Variants in ABCA1 observed in about 807,000 individuals in gnomAD.
ABCA1 encodes the protein ATP binding cassette subfamily A member 1.
ABCA1 carries 133 observed loss-of-function variants against 262.5 expected under a neutral mutation model. The ratio of observed to expected loss-of-function variants is 0.51; its 90% CI spans 0.44 to 0.59. ABCA1 has a LOEUF of 0.59. ABCA1 is among the 20% of genes least tolerant of loss of function. The pLI is 0.00. For missense variants in ABCA1, 2,452 were observed against 2,777.5 expected, an observed-to-expected ratio of 0.88 and a Z score of 2.63; for synonymous variants, 1,022 against 1,043.5, an observed-to-expected ratio of 0.98 and a Z score of 0.40.
rs372949839 is a variant in ABCA1 at position 104,785,507 on chromosome 9, G to A, written c.6534C>T (p.Tyr2178=). 6 of 1,614,026 alleles carry A rather than the reference G, an allele frequency of 3.7e-6. No individual in the cohort carries two copies. The highest frequency in any genetic ancestry group is 5.1e-6 in the Non-Finnish European group (6 of 1,180,008). The change falls in exon 49 of 50, where the codon TAC becomes TAT. Residue 2178 remains tyrosine (Y), a synonymous_variant. Coordinates refer to ENST00000374736, the MANE Select transcript of ABCA1 (RefSeq NM_005502.4). ...GAGAAGATAATGAAGATGGAAGCTGGTATTGTAGCATGTTCCGGTGTTTCT... is the reference window on the plus strand; with the variant it reads ...GAGAAGATAATGAAGATGGAAGCTGATATTGTAGCATGTTCCGGTGTTTCT... ...LKEKHRNMLQ[Y]QLPSSLSSLA... is the part of the protein sequence containing the mutation.
chr9:104,912,798 A>T (rs942831120), intron 1 of ABCA1, among the ~76,000 whole-genome samples: 1 of 150,208 alleles, frequency 6.7e-6, no homozygotes, highest in Non-Finnish European at 1.5e-5. Flanking sequence ...AAAGAAATCA[A>T]CCTTTCAACA....
intron 7 of ABCA1, among the ~76,000 whole-genome samples, chr9:104,846,498 T>C (rs145209142): frequency 2.6e-5 from 4 of 152,330 alleles, no homozygotes; most frequent in African/African-American, 9.6e-5. Context: ...TGCTGTGAAA[T>C]TATAATGTAG....
At chr9:104,907,598 G>T (rs1184712622) in intron 1 of ABCA1, among the ~76,000 whole-genome samples, 8 of 152,152 alleles carry the variant, frequency 5.3e-5, no homozygotes, top group Non-Finnish European at 2.9e-5. Context: ...AAATGATTTG[G>T]GCAAATTATC....
At chr9:104,788,622 A>G (rs1829134432) in intron 44 of ABCA1, 55 bp from the exon 45 acceptor site, 1 of 1,598,762 alleles carries the variant, frequency 6.3e-7, no homozygotes, top group African/African-American at 1.3e-5. Context: ...TACTCTGGTT[A>G]GACAATCTGG....
Position 104,786,910 on chromosome 9 carries a change from C to T in ABCA1, c.6271G>A (p.Val2091Ile), listed in dbSNP as rs1433385202. Residue 2091 changes from valine (V) to isoleucine (I), a missense_variant, in exon 47 of 50, where the codon GTC becomes ATC. Physicochemically the swap from Val to Ile is conservative, Grantham distance 29. This residue lies in a region of ABCA1 where 752 missense variants were observed against 944.5 expected (regional missense o/e 0.80). Transcript: ENST00000374736. ...RFLWNCALSV[V>I]KEGRSVVLTS... ...AGCACTACTGATCTCCCCTCCTTGA[C>T]AACACTTAGGGCACAATTCCACAAG... is the stretch of plus-strand genomic sequence containing the variant. The T allele has an allele frequency of 2.5e-6, 4 of 1,614,010 alleles. No homozygotes were observed. The highest frequency in any genetic ancestry group is 2.2e-5 in the East Asian group (1 of 44,854).
At chr9:104,849,255 T>G (rs1213826556) in intron 7 of ABCA1, among the ~76,000 whole-genome samples, 1 of 152,214 alleles carries the variant, frequency 6.6e-6, no homozygotes, top group East Asian at 1.9e-4. Context: ...TGAGCATGGA[T>G]GTAAACATAG....
rs749504686 is a variant in ABCA1, at chr9:104,819,975, C to T, written c.3055G>A (p.Val1019Ile). ...TTCAGCTTGCTTGATGGCAAACCAA[C>T]ATCCAGGGCCATCTGCTCCATCTCC... ...KAEMEQMALDVGLPSSKLKSK... is the reference protein window; with the variant it reads ...KAEMEQMALDIGLPSSKLKSK... The change falls in exon 21 of 50, where the codon GTT becomes ATT. Residue 1019 changes from valine (V) to isoleucine (I), a missense_variant. Physicochemically the swap from Val to Ile is conservative, Grantham distance 29. Around this residue, in one of 4 missense-constraint regions of ABCA1, gnomAD observed 665 missense variants for 727.3 expected, o/e 0.91. Coordinates refer to ENST00000374736, the MANE Select transcript of ABCA1 (RefSeq NM_005502.4). 11 of 1,614,092 alleles carry T rather than the reference C, an allele frequency of 6.8e-6. No individual in the cohort carries two copies. The highest frequency in any genetic ancestry group is 8.5e-6 in the Non-Finnish European group (10 of 1,180,026).
At chr9:104,918,091 C>T (rs143187686) in intron 1 of ABCA1, among the ~76,000 whole-genome samples, 8 of 152,160 alleles carry the variant, frequency 5.3e-5, no homozygotes, top group African/African-American at 1.9e-4. Flanking sequence ...TAAATGAGAT[C>T]ATATATAAGA....
At chr9:104,809,344 A>T in intron 30 of ABCA1, 122 bp downstream of exon 30, 1 of 973,442 alleles carries the variant, frequency 1.0e-6, no homozygotes, top group Non-Finnish European at 1.6e-6. Flanking sequence ...AAAACATAAT[A>T]ATAATTCAAA....
rs1355348196 is a variant in ABCA1, at chr9:104,784,034, A to G, written c.*281T>C. 3.1e-5 allele frequency: 12 copies of G among 387,736 alleles called. No individual in the cohort carries two copies. The Admixed American group carries it at 3.2e-4, about 10-fold the overall frequency. The allele number at this position is 387,736 out of a possible 1,614,324, so 24.0% of individuals were successfully genotyped here. Reference sequence around the variant, plus strand: ...AGTGTGAGTTCAAACCCATATGTCCATTGGGTTCCATAATAGAGTTTCACA... The same window carrying G: ...AGTGTGAGTTCAAACCCATATGTCCGTTGGGTTCCATAATAGAGTTTCACA... On this transcript the variant is annotated 3_prime_UTR_variant, in exon 50 of 50. Transcript: ENST00000374736.
At position 104,903,696 on chromosome 9, in the gene ABCA1, C is replaced by A. The variant is rs1169121101; in HGVS notation, c.-17G>T. ...ACAAGCCATGTTCCCTCAGCCAGCA[C>A]CCCCAGCGTGTGGCTCGGGAGCCCT... On this transcript the variant is annotated 5_prime_UTR_variant, in exon 2 of 50. Transcript: ENST00000374736. 1.9e-6 allele frequency: 3 copies of A among 1,572,920 alleles called. No homozygotes were observed. Among genetic ancestry groups the A allele is most frequent in the African/African-American group, 1.3e-5 (1 of 74,112 alleles).
At chr9:104,879,086 G>T (rs113864212) in intron 5 of ABCA1, among the ~76,000 whole-genome samples, 2 of 150,654 alleles carry the variant, frequency 1.3e-5, no homozygotes, top group African/African-American at 2.5e-5. Context: ...AAAAAAAAAA[G>T]AAAGAAAAGA....
In ABCA1 at chr9:104,804,800, C is replaced by A. The variant is rs1226493073; in HGVS notation, c.4465-80G>T. 2.4e-6 allele frequency: 3 copies of A among 1,235,454 alleles called. No homozygotes were observed. The African/African-American group carries it at 4.4e-5, about 18-fold the overall frequency. 76.5% of individuals were successfully genotyped at this position (1,235,454 alleles called of 1,614,324 possible). On this transcript the variant is annotated intron_variant, in intron 31 of 49. Coordinates refer to ENST00000374736, the MANE Select transcript of ABCA1 (RefSeq NM_005502.4). ...GAAAACAAATCAAGGACAACAGTGA[C>A]CATGTCCACAGTGTGACCGGAAACC...
intron 2 of ABCA1, among the ~76,000 whole-genome samples, chr9:104,900,849 T>C (rs1213768139): frequency 6.6e-6 from 1 of 152,182 alleles, no homozygotes; most frequent in Non-Finnish European, 1.5e-5. Flanking sequence ...TTCAGCAAAA[T>C]ATACTTCCTT....
At chr9:104,838,764 G>T (rs1434692352) in intron 9 of ABCA1, among the ~76,000 whole-genome samples, 1 of 151,894 alleles carries the variant, frequency 6.6e-6, no homozygotes, top group Non-Finnish European at 1.5e-5. Flanking sequence ...AAGTTTTTCA[G>T]GGATTTTTAG....
At chr9:104,905,835 G>A (rs1364461703) in intron 1 of ABCA1, among the ~76,000 whole-genome samples, 1 of 152,192 alleles carries the variant, frequency 6.6e-6, no homozygotes, top group Non-Finnish European at 1.5e-5. Context: ...AGGTAACAAT[G>A]AGGAGGGGAC....
Position 104,831,037 on chromosome 9 carries a change from C to A in ABCA1, c.1780G>T (p.Ala594Ser), listed in dbSNP as rs199655961. Reference protein sequence around the residue: ...EDMRYVWGGFAYLQDVVEQAI... With the variant: ...EDMRYVWGGFSYLQDVVEQAI... ...TGCTCCACCACATCCTGCAAGTAGG[C>A]GAAGCCCCCCCAGACGTACCGCATG... Residue 594 changes from alanine (A) to serine (S), a missense_variant, in exon 14 of 50, where the codon GCC becomes TCC. By Grantham distance (99) the Ala-to-Ser change is moderately conservative. Transcript: ENST00000374736. The A allele has an allele frequency of 6.2e-7, 1 of 1,613,572 alleles. No individual in the cohort carries two copies. Among genetic ancestry groups the A allele is most frequent in the Non-Finnish European group, 8.5e-7 (1 of 1,179,946 alleles).
intron 44 of ABCA1, among the ~76,000 whole-genome samples, chr9:104,789,238 G>A (rs1829198924): frequency 6.6e-6 from 1 of 152,182 alleles, no homozygotes. Context: ...ACCGTGCCAG[G>A]CCCTCACAGC....
At chr9:104,822,832 G>A (rs1042254756) in intron 18 of ABCA1, among the ~76,000 whole-genome samples, 165 bp from the exon 19 acceptor site, 1 of 152,112 alleles carries the variant, frequency 6.6e-6, no homozygotes, top group African/African-American at 2.4e-5. Context: ...GGGCCTATTT[G>A]GGTACTGATG....
Sources: allele counts gnomAD v4.1 joint callset (sites outside exome capture counted in the v4.1 genomes callset), GRCh38; gene constraint gnomAD v4.1.1; regional missense constraint gnomAD v4.1.1; transcripts MANE v1.5; gene names NCBI Gene and HGNC (gene_info 2026-07-23, HGNC 2026-07-21).